ST6GALNAC3: variants seen among roughly 807,000 people sequenced by gnomAD.
ST6GALNAC3 encodes the protein ST6 N-acetylgalactosaminide alpha-2,6-sialyltransferase 3.
Under a neutral mutation model 32.7 loss-of-function variants are expected in ST6GALNAC3, and 25 were observed. The ratio of observed to expected loss-of-function variants is 0.76; its 90% CI spans 0.56 to 1.07. The LOEUF is 1.07. Among genes scored for constraint, ST6GALNAC3 ranks in the 50% least tolerant of loss-of-function variants. The probability of loss-of-function intolerance (pLI) is 0.00; values close to 1 mark genes in which losing one functional copy is unlikely to be tolerated. For missense variants in ST6GALNAC3, 355 were observed against 382.4 expected, an observed-to-expected ratio of 0.93 and a Z score of 0.60; for synonymous variants, 129 against 133.1, an observed-to-expected ratio of 0.97 and a Z score of 0.21.
intron 3 of ST6GALNAC3, among the ~76,000 whole-genome samples, chr1:76,522,523 C>A (rs1662610707): frequency 6.6e-6 from 1 of 152,030 alleles, no homozygotes; most frequent in Non-Finnish European, 1.5e-5. Flanking sequence ...TCTTTGAGTT[C>A]ATTAATCTTG....
rs1332015541 is a variant in ST6GALNAC3, at chr1:76,631,305, A to C, written c.*2499A>C. ...TTTTCTTTCTACAAACAGGAAACAA[A>C]AAAAAAAAAAAACAAGTTTTTCTCA... is the stretch of plus-strand genomic sequence containing the variant. On this transcript the variant is annotated 3_prime_UTR_variant, in exon 5 of 5. Transcript: ENST00000328299. 1.5e-5 allele frequency: 1 copy of C among 65,210 alleles called. No homozygotes were observed. Among genetic ancestry groups the C allele is most frequent in the Admixed American group, 2.0e-4 (1 of 5,126 alleles). The allele number at this position is 65,210 out of a possible 1,614,324, so 4.0% of individuals were successfully genotyped here. A position where few individuals can be genotyped will look rare whatever the true frequency, so the allele number is the denominator to read the frequency against.
intron 3 of ST6GALNAC3, among the ~76,000 whole-genome samples, chr1:76,513,567 G>T (rs1405897259): frequency 6.6e-6 from 1 of 152,122 alleles, no homozygotes; most frequent in African/African-American, 2.4e-5. Context: ...GTAGTGTGAT[G>T]CCTCCAGCTT....
intron 1 of ST6GALNAC3, among the ~76,000 whole-genome samples, chr1:76,089,304 GC>G (rs1191091382): frequency 1.3e-5 from 2 of 152,198 alleles, no homozygotes; most frequent in East Asian, 3.9e-4. Flanking sequence ...GCCCGCCTTG[GC>G]CTCCCAAAAT....
intron 2 of ST6GALNAC3, among the ~76,000 whole-genome samples, chr1:76,367,465 T>A (rs1432167287): frequency 6.6e-6 from 1 of 152,004 alleles, no homozygotes; most frequent in East Asian, 1.9e-4. Context: ...CTAAGAACAA[T>A]GAATGATAAG....
chr1:76,452,645 A>G (rs1657493017), intron 3 of ST6GALNAC3, among the ~76,000 whole-genome samples: 1 of 152,120 alleles, frequency 6.6e-6, no homozygotes, highest in Non-Finnish European at 1.5e-5. Flanking sequence ...ATCATGGTGG[A>G]TTATCTTTTT....
At chr1:76,218,685 G>A (rs1655609068) in intron 1 of ST6GALNAC3, among the ~76,000 whole-genome samples, 2 of 152,066 alleles carry the variant, frequency 1.3e-5, no homozygotes, top group Admixed American at 1.3e-4. Context: ...TTTTCCTCCT[G>A]GATACATCCA....
At chr1:76,401,026 TATA>T (rs1370507874) in intron 2 of ST6GALNAC3, among the ~76,000 whole-genome samples, 1 of 152,222 alleles carries the variant, frequency 6.6e-6, no homozygotes, top group East Asian at 1.9e-4. Flanking sequence ...GAAGCTTTAC[TATA>T]ATGTTTACAT....
chr1:76,613,027 C>T (rs1160593930), intron 3 of ST6GALNAC3, among the ~76,000 whole-genome samples: 2 of 152,154 alleles, frequency 1.3e-5, no homozygotes, highest in Non-Finnish European at 2.9e-5. Context: ...ATGGGGGCAA[C>T]CAAAAGCAGG....
At chr1:76,536,397 G>A (rs1037362443) in intron 3 of ST6GALNAC3, among the ~76,000 whole-genome samples, 1 of 152,068 alleles carries the variant, frequency 6.6e-6, no homozygotes, top group Admixed American at 6.6e-5. Context: ...CAATCATGGT[G>A]GAAGGGGAAG....
At chr1:76,335,822 G>T (rs1278940003) in intron 2 of ST6GALNAC3, among the ~76,000 whole-genome samples, 1 of 152,182 alleles carries the variant, frequency 6.6e-6, no homozygotes, top group Non-Finnish European at 1.5e-5. Flanking sequence ...CACCAGGTGG[G>T]TTGACTGACC....
intron 1 of ST6GALNAC3, among the ~76,000 whole-genome samples, chr1:76,136,211 G>A (rs377688726): frequency 1.3e-5 from 2 of 152,282 alleles, no homozygotes; most frequent in Non-Finnish European, 2.9e-5. Context: ...AATTCAAAGG[G>A]TTTACTAAAT....
intron 2 of ST6GALNAC3, among the ~76,000 whole-genome samples, chr1:76,404,418 A>C (rs1243322118): frequency 6.6e-6 from 1 of 151,686 alleles, no homozygotes; most frequent in Non-Finnish European, 1.5e-5. Flanking sequence ...AGTGTAGATG[A>C]AAACAGCTTG....
intron 2 of ST6GALNAC3, among the ~76,000 whole-genome samples, chr1:76,351,251 A>C (rs1468487840): frequency 2.6e-5 from 4 of 152,204 alleles, no homozygotes; most frequent in African/African-American, 9.6e-5. Context: ...ATTATGTAGC[A>C]TAGTCATTTT....
At chr1:76,429,786 A>C (rs1055109992) in intron 3 of ST6GALNAC3, among the ~76,000 whole-genome samples, 12 of 152,186 alleles carry the variant, frequency 7.9e-5, no homozygotes, top group Non-Finnish European at 1.8e-4. Flanking sequence ...CTCAGAAAAC[A>C]GAGACTGTTC....
chr1:76,489,009 T>C (rs1248170925), intron 3 of ST6GALNAC3, among the ~76,000 whole-genome samples: 2 of 152,324 alleles, frequency 1.3e-5, no homozygotes, highest in South Asian at 4.1e-4. Flanking sequence ...CTTGTTTGCT[T>C]ATCTGCCTTC....
At chr1:76,410,910 C>T (rs750776074) in intron 2 of ST6GALNAC3, among the ~76,000 whole-genome samples, 54 of 152,080 alleles carry the variant, frequency 3.6e-4, no homozygotes, top group African/African-American at 7.0e-4. Flanking sequence ...AGTGGACAGA[C>T]ATAATTAAAC....
In ST6GALNAC3 at chr1:76,478,848, T is replaced by C. The variant is rs561110965; in HGVS notation, c.623+66431T>C. On this transcript the variant is annotated intron_variant, in intron 3 of 4. Transcript: ENST00000328299. ...CTCGATCTTGGCTCACTGTAAGCTC[T>C]GCCTCCTGGGTTCATGCCATTCTCC... 7.9e-4 allele frequency among the ~76,000 whole-genome samples: 116 copies of C among 147,428 alleles called. 1 individual carries two copies. The highest frequency in any genetic ancestry group is 7.4e-3 in the South Asian group (34 of 4,588).
intron 3 of ST6GALNAC3, among the ~76,000 whole-genome samples, chr1:76,516,496 A>C (rs1037290757): frequency 1.5e-4 from 23 of 152,180 alleles, no homozygotes; most frequent in African/African-American, 5.5e-4. Flanking sequence ...TTTTTTACAC[A>C]AAAGATTTCT....
chr1:76,574,440 C>G (rs1360744901), intron 3 of ST6GALNAC3, among the ~76,000 whole-genome samples: 2 of 152,014 alleles, frequency 1.3e-5, no homozygotes, highest in Non-Finnish European at 2.9e-5. Context: ...CTATACTACA[C>G]TCCTGCTCCC....
Sources: allele counts gnomAD v4.1 joint callset (sites outside exome capture counted in the v4.1 genomes callset), GRCh38; gene constraint gnomAD v4.1.1; transcripts MANE v1.5; gene names NCBI Gene and HGNC (gene_info 2026-07-23, HGNC 2026-07-21).